The following IL4 variants were observed in gnomAD, a reference collection of about 807,000 sequenced individuals.
IL4 encodes interleukin-4.
In IL4, 10 loss-of-function variants were observed where a neutral mutation model predicts 17.4. The observed-to-expected ratio is 0.57, with a 90% CI of 0.35 to 0.97. The LOEUF is 0.97. Ranked by LOEUF, IL4 falls within the 50% of genes least tolerant of loss-of-function variation. The pLI is 0.01. For missense variants in IL4, 174 were observed against 187.7 expected (o/e 0.93, Z 0.43); for synonymous variants, 87 against 79.0 (o/e 1.10, Z -0.54).
At chr5:132,675,849 A>ATGTGTGTGTGTGTGTG (rs58175446) in intron 2 of IL4, among the ~76,000 whole-genome samples, 86 of 145,030 alleles carry the variant, frequency 5.9e-4, no homozygotes, top group South Asian at 2.2e-3. Flanking sequence ...GCAACAGTTT[A>ATGTGTGTGTGTGTGTG]TGTGTGTGTG....
Position 132,675,483 on chromosome 5 carries a change from G to A in IL4, c.183+977G>A, listed in dbSNP as rs138304708. Among the ~76,000 whole-genome samples the A allele has an allele frequency of 3.2e-3, 489 of 152,158 alleles. 6 individuals are homozygous for A. Among genetic ancestry groups the A allele is most frequent in the African/African-American group, 0.011 (462 of 41,488 alleles). On this transcript the variant is annotated intron_variant, in intron 2 of 3. Transcript: ENST00000231449. The stretch of plus-strand genomic sequence containing the variant: ...GAAACTGCTCTTCGGGCCTTTAGCT[G>A]GACTATCTCATTTCATTAGTTATCC...
chr5:132,677,166 AT>A (rs2243262), intron 2 of IL4, among the ~76,000 whole-genome samples: 98 of 152,312 alleles, frequency 6.4e-4, no homozygotes, highest in African/African-American at 2.2e-3. Flanking sequence ...AGGATGGGAG[AT>A]AATGAATGCA....
intron 2 of IL4, among the ~76,000 whole-genome samples, chr5:132,677,150 C>G (rs1312579177): frequency 2.6e-5 from 4 of 152,218 alleles, no homozygotes; most frequent in Non-Finnish European, 5.9e-5. Flanking sequence ...GCTGACTATC[C>G]TGGGCAGGAT....
chr5:132,679,934 G>A, intron 3 of IL4, 44 bp downstream of exon 3: 2 of 1,547,556 alleles, frequency 1.3e-6, no homozygotes, highest in Non-Finnish European at 1.8e-6. Flanking sequence ...CGTGGCTCCT[G>A]GTGGACAGCA....
chr5:132,676,604 C>T (rs1752387537), intron 2 of IL4, among the ~76,000 whole-genome samples: 1 of 152,190 alleles, frequency 6.6e-6, no homozygotes, highest in South Asian at 2.1e-4. Context: ...TCATTTGCCT[C>T]CCCTGAACTT....
intron 1 of IL4, 127 bp from the exon 2 acceptor site, chr5:132,674,332 C>T (rs777714692): frequency 7.4e-7 from 1 of 1,343,194 alleles, no homozygotes; most frequent in Non-Finnish European, 1.1e-6. Context: ...TCCCCTGCCA[C>T]TCTTTTTTCT....
chr5:132,678,907 G>A (rs878998786), intron 2 of IL4, among the ~76,000 whole-genome samples: 54 of 152,292 alleles, frequency 3.5e-4, no homozygotes, highest in Admixed American at 3.4e-3. Context: ...CCTTCTCTAA[G>A]GCTAAGGGCC....
Position 132,680,943 on chromosome 5 carries a change from G to A in IL4, c.360+1053G>A, listed in dbSNP as rs573119192. On this transcript the variant is annotated intron_variant, in intron 3 of 3. Transcript: ENST00000231449. This position sits in a 1 kb window ranked among gnomAD's most constrained non-coding sequence, Gnocchi z 4.3. ...AACCCCTCTGGCGATGGTCAGTACTGTTTACAGAGAGATGAAAGACTGGCG... is the reference window on the plus strand; with the variant it reads ...AACCCCTCTGGCGATGGTCAGTACTATTTACAGAGAGATGAAAGACTGGCG... Among the ~76,000 whole-genome samples, 7 of 152,230 alleles carry A rather than the reference G, an allele frequency of 4.6e-5. No individual in the cohort carries two copies. Among genetic ancestry groups the A allele is most frequent in the East Asian group, 1.9e-4 (1 of 5,196 alleles).
In IL4 at chr5:132,674,132, G is replaced by A. The variant is rs772721636; in HGVS notation, c.82G>A (p.Asp28Asn). ...CAACTTTGTCCACGGACACAAGTGC[G>A]ATATCACCTTACAGGAGATCATCAA... ...AGNFVHGHKC[D>N]ITLQEIIKTL... The change falls in exon 1 of 4, where the codon GAT becomes AAT. Residue 28 changes from aspartate to asparagine, a missense_variant. Coordinates refer to ENST00000231449, the MANE Select transcript of IL4 (RefSeq NM_000589.4). 19 of 1,613,932 alleles carry A rather than the reference G, an allele frequency of 1.2e-5. No individual in the cohort carries two copies. Among genetic ancestry groups the A allele is most frequent in the African/African-American group, 2.7e-5 (2 of 74,896 alleles).
At position 132,679,794 on chromosome 5, in the gene IL4, C is replaced by T. The variant is rs377297730; in HGVS notation, c.264C>T (p.Arg88=). ...QFYSHHEKDT[R]CLGATAQQFH... ...ACAGCCACCATGAGAAGGACACTCG[C>T]TGCCTGGGTGCGACTGCACAGCAGT... The change falls in exon 3 of 4, where the codon CGC becomes CGT. Residue 88 remains arginine (R), a synonymous_variant. Coordinates refer to ENST00000231449, the MANE Select transcript of IL4 (RefSeq NM_000589.4). 2.5e-6 allele frequency: 4 copies of T among 1,614,076 alleles called. No individual in the cohort carries two copies. Among genetic ancestry groups the T allele is most frequent in the Non-Finnish European group, 3.4e-6 (4 of 1,179,976 alleles).
chr5:132,677,786 T>C (rs1752408178), intron 2 of IL4: 1 of 152,228 alleles, frequency 6.6e-6, no homozygotes, highest in Admixed American at 6.5e-5. Flanking sequence ...TGCAGCAGCA[T>C]GCATGTCTGC....
chr5:132,674,384 C>G, intron 1 of IL4, 75 bp from the exon 2 acceptor site: 1 of 1,459,174 alleles, frequency 6.9e-7, no homozygotes, highest in Non-Finnish European at 9.6e-7. Context: ...GGAGTGAGAG[C>G]TGCTCATCAA....
In IL4 at chr5:132,682,618, TA is replaced by T; in HGVS notation, c.*32del. 1 of 1,119,152 alleles carries T rather than the reference TA, an allele frequency of 8.9e-7. No homozygotes were observed. Among genetic ancestry groups the T allele is most frequent in the Non-Finnish European group, 1.3e-6 (1 of 759,000 alleles). 69.3% of individuals were successfully genotyped at this position (1,119,152 alleles called of 1,614,324 possible). ...TTAATTTATGAGTTTTTGATAGCTTTATTTTTTAAGTATTTATATATTTATA... is the reference window on the plus strand; with the variant it reads ...TTAATTTATGAGTTTTTGATAGCTTTTTTTTTAAGTATTTATATATTTATA... On this transcript the variant is annotated 3_prime_UTR_variant, in exon 4 of 4. Coordinates refer to ENST00000231449, the MANE Select transcript of IL4 (RefSeq NM_000589.4).
chr5:132,674,899 C>T (rs1752349917), intron 2 of IL4, among the ~76,000 whole-genome samples: 1 of 152,240 alleles, frequency 6.6e-6, no homozygotes, highest in South Asian at 2.1e-4. Context: ...ATTGAGATGA[C>T]AGGTTGAGGG....
chr5:132,681,538 G>C (rs1752488912), intron 3 of IL4, among the ~76,000 whole-genome samples: 1 of 152,184 alleles, frequency 6.6e-6, no homozygotes, highest in African/African-American at 2.4e-5. Flanking sequence ...TAGCTATAAG[G>C]CTGCAGAGAA....
intron 2 of IL4, chr5:132,677,852 C>T (rs1036838860): frequency 1.3e-5 from 2 of 152,292 alleles, no homozygotes; most frequent in African/African-American, 2.4e-5. Flanking sequence ...GTGTCCCTTC[C>T]ACCTCGACTC....
At chr5:132,679,389 T>A (rs1191621039) in intron 2 of IL4, among the ~76,000 whole-genome samples, 2 of 152,180 alleles carry the variant, frequency 1.3e-5, no homozygotes, top group Admixed American at 6.5e-5. Flanking sequence ...TAGCGACAGA[T>A]GGTCCTGCAT....
intron 2 of IL4, among the ~76,000 whole-genome samples, chr5:132,675,552 C>CCT (rs1752360175): frequency 6.9e-6 from 1 of 145,116 alleles, no homozygotes; most frequent in African/African-American, 2.6e-5. Context: ...CAAATACACA[C>CCT]TTTTTTTTTT....
At chr5:132,675,210 T>C (rs1007492432) in intron 2 of IL4, among the ~76,000 whole-genome samples, 2 of 152,180 alleles carry the variant, frequency 1.3e-5, no homozygotes, top group African/African-American at 4.8e-5. Context: ...CAGCTGATAG[T>C]GCATTTTCTC....
Sources: allele counts gnomAD v4.1 joint callset (sites outside exome capture counted in the v4.1 genomes callset), GRCh38; gene constraint gnomAD v4.1.1; non-coding constraint Gnocchi (gnomAD v3.1); transcripts MANE v1.5; gene names NCBI Gene and HGNC (gene_info 2026-07-23, HGNC 2026-07-21).